MARK1: variants seen among roughly 807,000 people sequenced by gnomAD.
MARK1 encodes the protein serine/threonine-protein kinase MARK1.
Under a neutral mutation model 96.3 loss-of-function variants are expected in MARK1, and 40 were observed. The ratio of observed to expected loss-of-function variants is 0.42; its 90% confidence interval spans 0.32 to 0.54. The LOEUF is 0.54. Ranked by LOEUF, MARK1 falls within the 20% of genes least tolerant of loss-of-function variation. The pLI, the probability that MARK1 is intolerant of heterozygous loss-of-function variation, is 0.16. For synonymous variants in MARK1, 317 were observed against 341.2 expected, an observed-to-expected ratio of 0.93 and a Z score of 0.78; for missense variants, 719 against 984.6, an observed-to-expected ratio of 0.73 and a Z score of 3.61.
chr1:220,544,606 G>A (rs1369777252), intron 1 of MARK1, among the ~76,000 whole-genome samples: 3 of 152,162 alleles, frequency 2.0e-5, no homozygotes, highest in East Asian at 1.9e-4. Flanking sequence ...TCAGTCTGCC[G>A]TATTCTGTTA....
chr1:220,528,925 AT>A, intron 1 of MARK1, 52 bp downstream of exon 1: 1 of 1,497,754 alleles, frequency 6.7e-7, no homozygotes. Context: ...CCCTCCTCTG[AT>A]CCCCACTTCA....
chr1:220,579,371 A>G lies in MARK1; in HGVS notation c.69A>G (p.Gly23=), dbSNP rs759166971. ...RDTENHTSVD[G]YTEPHIQPTK... ...TTTCTTAGCATACATCTGTGGATGG[A>G]TATACTGAACCACACATCCAGCCTA... is the stretch of plus-strand genomic sequence containing the variant. Residue 23 remains glycine (G), a synonymous_variant, in exon 2 of 18, where the codon GGA becomes GGG. Transcript: ENST00000366917. The G allele has an allele frequency of 6.2e-7, 1 of 1,613,672 alleles. No individual in the cohort carries two copies. The highest frequency in any genetic ancestry group is 1.3e-5 in the African/African-American group (1 of 74,916).
Position 220,615,663 on chromosome 1 carries a change from GAACTAT to G in MARK1, c.496-273_496-268del, listed in dbSNP as rs954428071. 6.2e-4 allele frequency among the ~76,000 whole-genome samples: 94 copies of G among 152,028 alleles called. 1 individual carries two copies. The highest frequency in any genetic ancestry group is 4.0e-3 in the Admixed American group (61 of 15,248). ...GTACACATTCAGTCACATAAACAGA[GAACTAT>G]AAATGATCCATATGAAATCTTCACA... On this transcript the variant is annotated intron_variant, in intron 6 of 17. Coordinates refer to ENST00000366917, the MANE Select transcript of MARK1 (RefSeq NM_018650.5).
At chr1:220,549,105 G>T (rs967873464) in intron 1 of MARK1, among the ~76,000 whole-genome samples, 3 of 152,112 alleles carry the variant, frequency 2.0e-5, no homozygotes, top group Admixed American at 2.0e-4. Context: ...AGGGGTAATT[G>T]CCCTTTGTAT....
intron 16 of MARK1, 96 bp from the exon 17 acceptor site, chr1:220,657,694 G>A: frequency 1.2e-6 from 1 of 834,912 alleles, no homozygotes; most frequent in Non-Finnish European, 1.8e-6. Flanking sequence ...GTAGAAGTTT[G>A]CTCAACAAGC....
At chr1:220,604,586 A>T (rs955095466) in intron 6 of MARK1, among the ~76,000 whole-genome samples, 5 of 152,028 alleles carry the variant, frequency 3.3e-5, no homozygotes, top group Non-Finnish European at 7.4e-5. Context: ...TGTAGATTTA[A>T]AGAATATGGT....
At chr1:220,591,169 C>T (rs1003007920) in intron 3 of MARK1, among the ~76,000 whole-genome samples, 1 of 152,082 alleles carries the variant, frequency 6.6e-6, no homozygotes, top group Non-Finnish European at 1.5e-5. Context: ...AATTTATGAA[C>T]TAATTGCAGT....
rs549763496 is a variant in MARK1, at chr1:220,601,032, C to A, written c.424+1169C>A. 1.4e-4 allele frequency among the ~76,000 whole-genome samples: 21 copies of A among 152,042 alleles called. No homozygotes were observed. The South Asian group carries it at 4.4e-3, about 32-fold the overall frequency. On this transcript the variant is annotated intron_variant, in intron 5 of 17. Transcript: ENST00000366917. ...TCCCAGGTTCACTCCATTCTGCTGCCCCAGCCTCCCGAGTAGCTGGGACTA... is the reference window on the plus strand; with the variant it reads ...TCCCAGGTTCACTCCATTCTGCTGCACCAGCCTCCCGAGTAGCTGGGACTA...
At chr1:220,595,396 T>C (rs551770476) in intron 3 of MARK1, among the ~76,000 whole-genome samples, 1 of 152,312 alleles carries the variant, frequency 6.6e-6, no homozygotes, top group East Asian at 1.9e-4. Flanking sequence ...TAGCCCTGTT[T>C]GGGAGGTGAA....
rs144155119 is a variant in MARK1 at position 220,555,512 on chromosome 1, C to T, written c.52-23842C>T. Among the ~76,000 whole-genome samples, 724 of 152,002 alleles carry T rather than the reference C, an allele frequency of 4.8e-3. 6 individuals are homozygous for T. The highest frequency in any genetic ancestry group is 0.015 in the African/African-American group (635 of 41,434). On this transcript the variant is annotated intron_variant, in intron 1 of 17. Coordinates refer to ENST00000366917, the MANE Select transcript of MARK1 (RefSeq NM_018650.5). ...TGTAGAGAAGTGAATGGATTCGTGA[C>T]GTGTTTTGGAGCTAAGGTTGATTGC...
chr1:220,570,404 G>A (rs547423272), intron 1 of MARK1, among the ~76,000 whole-genome samples: 1 of 152,236 alleles, frequency 6.6e-6, no homozygotes, highest in African/African-American at 2.4e-5. Context: ...GCTGCAGAAA[G>A]AGAATACAAA....
chr1:220,608,712 T>C (rs1285273491), intron 6 of MARK1, among the ~76,000 whole-genome samples: 1 of 152,198 alleles, frequency 6.6e-6, no homozygotes, highest in African/African-American at 2.4e-5. Flanking sequence ...ACATTCCCTC[T>C]ACACACTGCT....
chr1:220,529,869 G>A (rs1446960471), intron 1 of MARK1, among the ~76,000 whole-genome samples: 1 of 152,186 alleles, frequency 6.6e-6, no homozygotes, highest in Admixed American at 6.5e-5. Flanking sequence ...GGGCTTGGCT[G>A]ATTTTCCGAC....
chr1:220,626,852 C>A, intron 9 of MARK1: 1 of 419,838 alleles, frequency 2.4e-6, no homozygotes, highest in South Asian at 2.1e-5. Context: ...GGGGGGCATG[C>A]CAAGTGTATG....
At chr1:220,550,939 A>G (rs1226701255) in intron 1 of MARK1, among the ~76,000 whole-genome samples, 1 of 152,236 alleles carries the variant, frequency 6.6e-6, no homozygotes, top group Non-Finnish European at 1.5e-5. Flanking sequence ...AAGCTGGTTA[A>G]GCATTCTGTG....
intron 16 of MARK1, among the ~76,000 whole-genome samples, chr1:220,655,700 A>C (rs1669131565): frequency 6.6e-6 from 1 of 152,136 alleles, no homozygotes. Flanking sequence ...TAGGTCTCCT[A>C]GTTTCTGTCC....
rs781155005 is a variant in MARK1, at chr1:220,631,123, C to T, written c.998C>T (p.Thr333Ile). The T allele has an allele frequency of 6.2e-7, 1 of 1,609,636 alleles. No homozygotes were observed. The highest frequency in any genetic ancestry group is 1.7e-5 in the Admixed American group (1 of 59,868). Residue 333 changes from threonine to isoleucine, a missense_variant, in exon 10 of 18, where the codon ACA becomes ATA. Physicochemically the swap from Thr to Ile is moderately conservative, Grantham distance 89. This residue lies in a region of MARK1 where 501 missense variants were observed against 588.3 expected (regional missense o/e 0.85). Coordinates refer to ENST00000366917, the MANE Select transcript of MARK1 (RefSeq NM_018650.5). ...YTEPDPDFNDTKRIDIMVTMG... is the reference protein window; with the variant it reads ...YTEPDPDFNDIKRIDIMVTMG... ...GAGCCTGATCCGGATTTCAATGACA[C>T]AAAAAGAATAGGTAAGTATTTAAAC...
chr1:220,601,533 A>G (rs1342298017), intron 5 of MARK1, among the ~76,000 whole-genome samples: 2 of 152,158 alleles, frequency 1.3e-5, no homozygotes, highest in African/African-American at 2.4e-5. Flanking sequence ...GATTGCTATA[A>G]TAATCTGTCT....
intron 15 of MARK1, among the ~76,000 whole-genome samples, chr1:220,652,872 T>A (rs1668957236): frequency 6.6e-6 from 1 of 152,222 alleles, no homozygotes; most frequent in African/African-American, 2.4e-5. Flanking sequence ...CTGAAAAGTA[T>A]TTATCTTTGT....
Sources: allele counts gnomAD v4.1 joint callset (sites outside exome capture counted in the v4.1 genomes callset), GRCh38; gene constraint gnomAD v4.1.1; regional missense constraint gnomAD v4.1.1; transcripts MANE v1.5; gene names NCBI Gene and HGNC (gene_info 2026-07-23, HGNC 2026-07-21).